BMS1: variants seen among roughly 807,000 people sequenced by gnomAD.
BMS1 encodes BMS1 ribosome biogenesis factor, also known as ribosome biogenesis protein BMS1 homolog.
BMS1 carries 53 observed loss-of-function variants against 138.7 expected under a neutral mutation model. The ratio of observed to expected loss-of-function variants is 0.38; its 90% CI spans 0.31 to 0.48. The LOEUF (loss-of-function observed/expected upper bound fraction) is 0.48. Among genes scored for constraint, BMS1 ranks in the 20% least tolerant of loss-of-function variants. The pLI, the probability that BMS1 is intolerant of heterozygous loss-of-function variation, is 0.97. For missense variants in BMS1, 1,360 were observed against 1,565.5 expected, an observed-to-expected ratio of 0.87 and a Z score of 2.22; for synonymous variants, 504 against 539.9, an observed-to-expected ratio of 0.93 and a Z score of 0.92.
At chr10:42,819,048 C>T (rs576507539) in intron 15 of BMS1, among the ~76,000 whole-genome samples, 56 of 152,246 alleles carry the variant, frequency 3.7e-4, no homozygotes, top group African/African-American at 1.3e-3. Context: ...AGAATGGGAG[C>T]AGAGGAACTG....
In BMS1 at chr10:42,823,760, G is replaced by A; in HGVS notation, c.3432G>A (p.Lys1144=). 2 of 1,593,586 alleles carry A rather than the reference G, an allele frequency of 1.3e-6. No individual in the cohort carries two copies. The highest frequency in any genetic ancestry group is 1.7e-6 in the Non-Finnish European group (2 of 1,178,740). The change falls in exon 21 of 23, where the codon AAG becomes AAA. Residue 1144 remains lysine (K), a synonymous_variant. Transcript: ENST00000374518. ...QLRLAHGVRL[K]ANKDSLYKPI... Reference sequence around the variant, plus strand: ...GGCTCGCCCATGGCGTCAGACTAAAGGCGAACAAGGACTCTCTGTATAAGG... The same window carrying A: ...GGCTCGCCCATGGCGTCAGACTAAAAGCGAACAAGGACTCTCTGTATAAGG...
intron 5 of BMS1, 103 bp downstream of exon 5, chr10:42,790,614 A>G (rs1841474013): frequency 8.0e-7 from 1 of 1,256,024 alleles, no homozygotes. Context: ...AGCACTTTGC[A>G]AGGCAGAGGC....
chr10:42,824,168 A>G (rs901172818), intron 21 of BMS1, among the ~76,000 whole-genome samples: 4 of 152,170 alleles, frequency 2.6e-5, no homozygotes, highest in Non-Finnish European at 5.9e-5. Flanking sequence ...CTACTTACTT[A>G]ACAAAAATCC....
chr10:42,813,725 T>A (rs1454286937), intron 13 of BMS1, among the ~76,000 whole-genome samples: 1 of 152,204 alleles, frequency 6.6e-6, no homozygotes, highest in Non-Finnish European at 1.5e-5. Context: ...TTTTTTATTT[T>A]GATTTTTTTG....
In BMS1 at chr10:42,784,487, A is replaced by G. The variant is rs773171020; in HGVS notation, c.93A>G (p.Leu31=). ...KKKRLLQDLQ[L]GDEEDARKRN... is the part of the protein sequence containing the mutation. ...AGCGGCTTCTGCAGGATCTCCAGCT[A>G]GGAGACGAAGAAGATGCCCGGAAGA... The change falls in exon 2 of 23, where the codon CTA becomes CTG. Residue 31 remains leucine, a synonymous_variant. Transcript: ENST00000374518. The G allele has an allele frequency of 8.1e-6, 13 of 1,613,898 alleles. No individual in the cohort carries two copies. Among genetic ancestry groups the G allele is most frequent in the Non-Finnish European group, 1.0e-5 (12 of 1,179,876 alleles).
At chr10:42,803,340 A>G (rs192999839) in intron 13 of BMS1, among the ~76,000 whole-genome samples, 38 of 152,212 alleles carry the variant, frequency 2.5e-4, no homozygotes, top group Non-Finnish European at 4.7e-4. Flanking sequence ...GGGTCTTGCC[A>G]TGTTGCCTAG....
rs1842818993 is a variant in BMS1, at chr10:42,832,529, TGTGTGC to T, written c.*1434_*1439del. 3 of 152,210 alleles carry T rather than the reference TGTGTGC, an allele frequency of 2.0e-5. No individual in the cohort carries two copies. The highest frequency in any genetic ancestry group is 6.5e-5 in the Admixed American group (1 of 15,284). The allele number at this position is 152,210 out of a possible 1,614,324, so 9.4% of individuals were successfully genotyped here. A position where few individuals can be genotyped will look rare whatever the true frequency, so the allele number is the denominator to read the frequency against. ...CCTCTGTGTTGTGCCAGTTATAGTA[TGTGTGC>T]TGCTGATATGAGTGCCACATTGCCT... On this transcript the variant is annotated 3_prime_UTR_variant, in exon 23 of 23. Transcript: ENST00000374518.
Position 42,816,600 on chromosome 10 carries a change from G to A in BMS1, c.2331G>A (p.Glu777=), listed in dbSNP as rs1366483482. Residue 777 remains glutamate (E), a splice_region_variant and synonymous_variant, in exon 14 of 23, where the codon GAG becomes GAA. Coordinates refer to ENST00000374518, the MANE Select transcript of BMS1 (RefSeq NM_014753.4). Reference sequence around the variant, plus strand: ...AGCCTTTGGGTGTTCTTTTCCCAGAGGAGCTCTACGGTGACTTTGAAGACT... The same window carrying A: ...AGCCTTTGGGTGTTCTTTTCCCAGAAGAGCTCTACGGTGACTTTGAAGACT... ...KDAAKVLAED[E]ELYGDFEDLE... The A allele has an allele frequency of 3.7e-6, 6 of 1,609,064 alleles. No individual in the cohort carries two copies. In the South Asian group the frequency reaches 5.5e-5, roughly 15 times the overall value.
chr10:42,786,554 A>G (rs1168867332), intron 3 of BMS1, among the ~76,000 whole-genome samples: 1 of 150,726 alleles, frequency 6.6e-6, no homozygotes, highest in Non-Finnish European at 1.5e-5. Context: ...TGAGTAGTGT[A>G]TGCCACCACG....
At chr10:42,823,921 T>A (rs1842571646) in intron 21 of BMS1, 137 bp downstream of exon 21, 1 of 776,558 alleles carries the variant, frequency 1.3e-6, no homozygotes. Context: ...ATTGAACAGT[T>A]GTATATTTGT....
At position 42,793,882 on chromosome 10, in the gene BMS1, CAG is replaced by C; in HGVS notation, c.1123_1124del (p.Leu376HisfsTer8). 1 of 1,611,814 alleles carries C rather than the reference CAG, an allele frequency of 6.2e-7. No homozygotes were observed. The highest frequency in any genetic ancestry group is 1.1e-5 in the South Asian group (1 of 90,968). On this transcript the variant is annotated frameshift_variant, in exon 9 of 23. Transcript: ENST00000374518. LOFTEE classifies it high-confidence loss of function. Reference sequence around the variant, plus strand: ...AGTGGGGCCCACCCATGAGCTGGTCCAGAGTCTCATCTCTACCCACTCCACCA... The same window carrying C: ...AGTGGGGCCCACCCATGAGCTGGTCCAGTCTCATCTCTACCCACTCCACCA... ...DEVGPTHELV[Q>X]SLISTHSTID... is the part of the protein sequence containing the mutation.
intron 13 of BMS1, among the ~76,000 whole-genome samples, chr10:42,809,616 T>C (rs984748777): frequency 6.6e-6 from 1 of 152,162 alleles, no homozygotes; most frequent in African/African-American, 2.4e-5. Context: ...TTTAGTACAA[T>C]GTGGAGTAAG....
intron 4 of BMS1, among the ~76,000 whole-genome samples, chr10:42,787,518 A>G (rs1841373742): frequency 6.6e-6 from 1 of 152,212 alleles, no homozygotes; most frequent in Non-Finnish European, 1.5e-5. Context: ...CACAACTAAT[A>G]AGAGCTCATT....
intron 4 of BMS1, among the ~76,000 whole-genome samples, chr10:42,790,090 G>C (rs1393634028): frequency 6.6e-6 from 1 of 152,212 alleles, no homozygotes; most frequent in Non-Finnish European, 1.5e-5. Flanking sequence ...GGGCCAGGTA[G>C]TAGATATTTT....
chr10:42,793,981 G>C lies in BMS1; in HGVS notation c.1219G>C (p.Asp407His), dbSNP rs1183348230. The change falls in exon 9 of 23, where the codon GAT becomes CAT. Residue 407 changes from aspartate (D) to histidine (H), a missense_variant. Asp to His is a moderately conservative substitution (Grantham distance 81). Coordinates refer to ENST00000374518, the MANE Select transcript of BMS1 (RefSeq NM_014753.4). ...CAAGCCACTTGGGTCAGAGGATATA[G>C]ATAATCAAGGGTAAGTCTGCTTTTT... ...DSKPLGSEDI[D>H]NQGLMMPKEE... The C allele has an allele frequency of 1.2e-6, 2 of 1,611,378 alleles. No individual in the cohort carries two copies. Among genetic ancestry groups the C allele is most frequent in the Admixed American group, 1.7e-5 (1 of 59,884 alleles).
chr10:42,793,990 G>A lies in BMS1; in HGVS notation c.1228G>A (p.Gly410Arg), dbSNP rs1296627067. Residue 410 changes from glycine (G) to arginine (R), a missense_variant and splice_region_variant, in exon 9 of 23, where the codon GGG becomes AGG. Physicochemically the swap from Gly to Arg is moderately radical, Grantham distance 125 (BLOSUM62 -2). Around this residue, in one of 3 missense-constraint regions of BMS1, gnomAD observed 697 missense variants for 686.2 expected, o/e 1.02. Coordinates refer to ENST00000374518, the MANE Select transcript of BMS1 (RefSeq NM_014753.4). ...TGGGTCAGAGGATATAGATAATCAA[G>A]GGTAAGTCTGCTTTTTTTCTATTTT... ...PLGSEDIDNQ[G>R]LMMPKEEKQM... 6.2e-7 allele frequency: 1 copy of A among 1,610,554 alleles called. No individual in the cohort carries two copies. Among genetic ancestry groups the A allele is most frequent in the African/African-American group, 1.3e-5 (1 of 74,656 alleles).
chr10:42,788,270 A>G (rs2132296887), intron 4 of BMS1, among the ~76,000 whole-genome samples: 1 of 152,338 alleles, frequency 6.6e-6, no homozygotes, highest in East Asian at 1.9e-4. Context: ...AGTTCATAGA[A>G]GTCATTTGTT....
intron 3 of BMS1, 137 bp downstream of exon 3, chr10:42,785,809 A>G: frequency 1.0e-6 from 1 of 970,918 alleles, no homozygotes; most frequent in Non-Finnish European, 1.5e-6. Flanking sequence ...TAGTATTACT[A>G]AGTTGGCTAT....
intron 5 of BMS1, 92 bp downstream of exon 5, chr10:42,790,603 C>T (rs1373510647): frequency 2.2e-6 from 3 of 1,359,510 alleles, no homozygotes; most frequent in Non-Finnish European, 2.0e-6. Context: ...CCTGTAATCC[C>T]AGCACTTTGC....
Sources: gnomAD v4.1 joint callset for allele counts (sites outside exome capture counted in the v4.1 genomes callset) on GRCh38, gnomAD v4.1.1 for gene constraint, gnomAD v4.1.1 regional missense constraint, MANE v1.5 for transcripts, NCBI Gene and HGNC (gene_info 2026-07-23, HGNC 2026-07-21) for gene names.